The following TJP1 variants were observed in gnomAD, a reference collection of about 807,000 sequenced individuals.
TJP1 encodes tight junction protein 1, also known as tight junction protein ZO-1.
TJP1 carries 43 observed loss-of-function variants against 194.2 expected under a neutral mutation model. The ratio of observed to expected loss-of-function variants is 0.22; its 90% CI spans 0.17 to 0.29. The LOEUF (loss-of-function observed/expected upper bound fraction) is 0.29, where lower values mean the gene tolerates loss of function less well. Among genes scored for constraint, TJP1 ranks in the 10% least tolerant of loss-of-function variants. The pLI is 1.00. For missense variants in TJP1, 1,971 were observed against 2,185.7 expected (o/e 0.90, Z 1.96); for synonymous variants, 801 against 779.0 (o/e 1.03, Z -0.47).
chr15:29,719,728 C>A, intron 20 of TJP1, 49 bp downstream of exon 20: 1 of 1,579,722 alleles, frequency 6.3e-7, no homozygotes, highest in Non-Finnish European at 8.6e-7. Flanking sequence ...TGATCATGTG[C>A]CAGATTGATG....
chr15:29,750,445 G>A (rs891492563), intron 8 of TJP1, among the ~76,000 whole-genome samples: 16 of 152,114 alleles, frequency 1.1e-4, no homozygotes, highest in African/African-American at 3.4e-4. Context: ...AGCCCTATCC[G>A]TGGTTCTTAA....
intron 10 of TJP1, among the ~76,000 whole-genome samples, chr15:29,740,731 TG>T (rs1197412854): frequency 5.9e-5 from 9 of 152,292 alleles, no homozygotes; most frequent in African/African-American, 1.9e-4. Flanking sequence ...AAGTATATAA[TG>T]TAAAGTAATG....
intron 4 of TJP1, among the ~76,000 whole-genome samples, chr15:29,767,031 A>G (rs991761204): frequency 1.3e-5 from 2 of 152,196 alleles, no homozygotes; most frequent in Non-Finnish European, 2.9e-5. Flanking sequence ...CTATAGCCGC[A>G]CTAACATTCA....
At chr15:29,913,558 T>C (rs2054089550) in intron 2 of TJP1, among the ~76,000 whole-genome samples, 1 of 152,208 alleles carries the variant, frequency 6.6e-6, no homozygotes, top group South Asian at 2.1e-4. Context: ...TTAAGAACTG[T>C]ATTGTTCAAG....
chr15:29,877,857 T>TG (rs575556539), intron 2 of TJP1, among the ~76,000 whole-genome samples: 85 of 151,494 alleles, frequency 5.6e-4, no homozygotes, highest in African/African-American at 2.0e-3. Flanking sequence ...TTAGTAGAGA[T>TG]GGGGTTTCAC....
intron 4 of TJP1, among the ~76,000 whole-genome samples, chr15:29,771,428 A>G (rs189102618): frequency 6.6e-6 from 1 of 152,346 alleles, no homozygotes; most frequent in East Asian, 1.9e-4. Context: ...ACTGTCAGAT[A>G]TGTGGTCTGT....
chr15:29,788,105 C>T (rs1176746704), intron 2 of TJP1, among the ~76,000 whole-genome samples: 1 of 152,212 alleles, frequency 6.6e-6, no homozygotes, highest in African/African-American at 2.4e-5. Flanking sequence ...CACATTCATA[C>T]ATCTTCTTTG....
At chr15:29,732,966 G>A in intron 13 of TJP1, 128 bp downstream of exon 13, 1 of 1,256,572 alleles carries the variant, frequency 8.0e-7, no homozygotes, top group South Asian at 1.5e-5. Flanking sequence ...GTAAACCTAA[G>A]TCAGTTATAG....
At chr15:29,811,277 ATGTGTG>A (rs2049481468) in intron 1 of TJP1, among the ~76,000 whole-genome samples, 1 of 151,986 alleles carries the variant, frequency 6.6e-6, no homozygotes. Context: ...GAGTGTTCGC[ATGTGTG>A]TGTAGCGGGG....
At position 29,958,149 on chromosome 15, in the gene TJP1, A is replaced by G. The variant is rs558872240; in HGVS notation, c.174-1785T>C. Among the ~76,000 whole-genome samples, 5 of 152,310 alleles carry G rather than the reference A, an allele frequency of 3.3e-5. No homozygotes were observed. In the East Asian group the frequency reaches 7.7e-4, roughly 23 times the overall value. ...TAGGGATTTAATCTTTTATCATATA[A>G]AAAGACTATGCCAATTAAATATTTT... On this transcript the variant is annotated intron_variant, in intron 1 of 28. Coordinates refer to the TJP1 transcript ENST00000356107.
intron 1 of TJP1, among the ~76,000 whole-genome samples, chr15:29,811,499 G>C (rs1031323562): frequency 2.0e-5 from 3 of 152,062 alleles, no homozygotes; most frequent in Admixed American, 2.0e-4. Context: ...AGAAAGACCT[G>C]AGGTGCTCAG....
intron 2 of TJP1, among the ~76,000 whole-genome samples, chr15:29,835,426 G>A (rs1397048010): frequency 6.6e-6 from 1 of 152,142 alleles, no homozygotes; most frequent in Non-Finnish European, 1.5e-5. Context: ...GGGGCTTCCT[G>A]TCTCTGGATT....
intron 2 of TJP1, among the ~76,000 whole-genome samples, chr15:29,830,716 T>C (rs539811043): frequency 1.2e-4 from 19 of 152,136 alleles, no homozygotes; most frequent in Middle Eastern, 3.4e-3. Context: ...GCTCTGGCCA[T>C]TGAAAAGGAC....
At chr15:29,796,179 T>C (rs2048387530) in intron 2 of TJP1, among the ~76,000 whole-genome samples, 1 of 151,566 alleles carries the variant, frequency 6.6e-6, no homozygotes, top group African/African-American at 2.4e-5. Context: ...AAGTCCAAAC[T>C]AGTGCAATAA....
chr15:29,720,560 G>A lies in TJP1; in HGVS notation c.2561C>T (p.Thr854Ile). The change falls in exon 19 of 28, where the codon ACT (threonine) becomes ATT (isoleucine). Residue 854 changes from threonine (T) to isoleucine (I), a missense_variant. By Grantham distance (89) the Thr-to-Ile change is moderately conservative (BLOSUM62 -1). Coordinates refer to ENST00000614355, the MANE Select transcript of TJP1 (RefSeq NM_001330239.4). ...EDTDTEGGAY[T>I]DQELDETLND... ...AAGAGTTTCATCTAGTTCTTGATCA[G>A]TGTAGGCCCCGCCTTCTGTGTCTGT... The A allele has an allele frequency of 6.2e-7, 1 of 1,614,114 alleles. No individual in the cohort carries two copies. The highest frequency in any genetic ancestry group is 8.5e-7 in the Non-Finnish European group (1 of 1,180,016).
At chr15:29,710,706 A>T in intron 24 of TJP1, 125 bp downstream of exon 24, 1 of 1,208,868 alleles carries the variant, frequency 8.3e-7, no homozygotes, top group Non-Finnish European at 1.2e-6. Flanking sequence ...CTTAGTTTTT[A>T]CTGTTCCCAG....
upstream of TJP1, chr15:29,823,749 C>T (rs1432097379): frequency 6.6e-6 from 1 of 152,094 alleles, no homozygotes; most frequent in Non-Finnish European, 1.5e-5. Context: ...GTTTTAAAGT[C>T]ATGTTGTAAT....
At chr15:29,746,890 C>T (rs2044823223) in intron 8 of TJP1, among the ~76,000 whole-genome samples, 1 of 150,834 alleles carries the variant, frequency 6.6e-6, no homozygotes, top group African/African-American at 2.4e-5. Flanking sequence ...ATGAGCTGCA[C>T]TGAAGTAGAA....
chr15:29,770,535 G>GA (rs1300063842), intron 4 of TJP1, among the ~76,000 whole-genome samples: 1 of 151,794 alleles, frequency 6.6e-6, no homozygotes, highest in Non-Finnish European at 1.5e-5. Flanking sequence ...CTAACATGGT[G>GA]AAACCCTGTC....
Sources: allele counts gnomAD v4.1 joint callset (sites outside exome capture counted in the v4.1 genomes callset), GRCh38; gene constraint gnomAD v4.1.1; transcripts MANE v1.5; gene names NCBI Gene and HGNC (gene_info 2026-07-23, HGNC 2026-07-21).